TCF7L2: variants seen among roughly 807,000 people sequenced by gnomAD.
TCF7L2 encodes the protein transcription factor 7-like 2.
A neutral mutation model predicts 77.9 loss-of-function variants in TCF7L2; 23 were observed. That is an observed-to-expected ratio of 0.30 (90% confidence interval 0.21 to 0.42). TCF7L2 has a LOEUF of 0.42. TCF7L2 is among the 10% of genes least tolerant of loss of function. TCF7L2 has a pLI of 1.00. For missense variants in TCF7L2, 654 were observed against 793.1 expected (o/e 0.82, Z 2.11); for synonymous variants, 413 against 340.2 (o/e 1.21, Z -2.36).
At chr10:113,150,519 T>C (rs1320203393) in intron 8 of TCF7L2, among the ~76,000 whole-genome samples, 1 of 152,232 alleles carries the variant, frequency 6.6e-6, no homozygotes, top group Non-Finnish European at 1.5e-5. Flanking sequence ...TGAGGCCTAA[T>C]GAGGCTTGCA....
chr10:113,045,874 T>A (rs2053355813), intron 5 of TCF7L2, among the ~76,000 whole-genome samples: 1 of 152,216 alleles, frequency 6.6e-6, no homozygotes, highest in African/African-American at 2.4e-5. Context: ...CATTTCGCAG[T>A]CAGGGCTGTG....
intron 4 of TCF7L2, among the ~76,000 whole-genome samples, chr10:113,013,445 G>A (rs990964160): frequency 2.6e-5 from 4 of 152,228 alleles, no homozygotes; most frequent in African/African-American, 7.2e-5. Context: ...TAAAGAAAGG[G>A]GTAAATTTTA....
intron 5 of TCF7L2, among the ~76,000 whole-genome samples, chr10:113,073,140 G>C (rs1015127251): frequency 2.6e-5 from 4 of 151,054 alleles, no homozygotes; most frequent in African/African-American, 9.7e-5. Flanking sequence ...GAGAGAGAGA[G>C]AGAGAGAGAG....
intron 4 of TCF7L2, among the ~76,000 whole-genome samples, chr10:113,028,323 T>C (rs1590699448): frequency 6.6e-6 from 1 of 151,416 alleles, no homozygotes; most frequent in Non-Finnish European, 1.5e-5. Context: ...TGCAGGGGGG[T>C]CGTGGGGCCT....
At chr10:113,153,773 C>T (rs2071262311) in intron 11 of TCF7L2, among the ~76,000 whole-genome samples, 1 of 152,238 alleles carries the variant, frequency 6.6e-6, no homozygotes, top group South Asian at 2.1e-4. Flanking sequence ...TATCTTTACT[C>T]CCTCAGAACT....
chr10:112,982,987 C>G (rs1180751273), intron 4 of TCF7L2, among the ~76,000 whole-genome samples: 2 of 152,054 alleles, frequency 1.3e-5, no homozygotes, highest in African/African-American at 4.8e-5. Flanking sequence ...ATTTGTCTCC[C>G]CATGGAGGGA....
At chr10:113,014,364 G>A (rs2046977573) in intron 4 of TCF7L2, among the ~76,000 whole-genome samples, 1 of 152,188 alleles carries the variant, frequency 6.6e-6, no homozygotes, top group Non-Finnish European at 1.5e-5. Context: ...ACAGTTTGGT[G>A]GTAGTTTTGC....
chr10:113,021,763 G>A (rs148017543), intron 4 of TCF7L2, among the ~76,000 whole-genome samples: 56 of 152,254 alleles, frequency 3.7e-4, no homozygotes, highest in African/African-American at 1.3e-3. Flanking sequence ...GGGCATTTTC[G>A]CATCTCCCTT....
chr10:113,133,519 A>T (rs766963077), intron 5 of TCF7L2, among the ~76,000 whole-genome samples: 2 of 152,150 alleles, frequency 1.3e-5, no homozygotes, highest in South Asian at 4.1e-4. Flanking sequence ...CTGGGTGGTT[A>T]TAGTATAGAA....
At chr10:112,984,526 T>G (rs181012477) in intron 4 of TCF7L2, among the ~76,000 whole-genome samples, 63 of 152,288 alleles carry the variant, frequency 4.1e-4, no homozygotes, top group African/African-American at 1.5e-3. Flanking sequence ...TTAATTTACT[T>G]AATTGCATAG....
chr10:113,135,448 T>C (rs534309587), intron 5 of TCF7L2, among the ~76,000 whole-genome samples: 7 of 152,236 alleles, frequency 4.6e-5, no homozygotes, highest in Non-Finnish European at 4.4e-5. Flanking sequence ...GAGGAAAGCT[T>C]GGCTTTGCCA....
At chr10:113,108,377 T>C (rs2136043697) in intron 5 of TCF7L2, among the ~76,000 whole-genome samples, 1 of 151,948 alleles carries the variant, frequency 6.6e-6, no homozygotes, top group Admixed American at 6.5e-5. Context: ...TTGTGTCCGG[T>C]GCTCTCCTAA....
chr10:113,044,080 G>C (rs892012038), intron 5 of TCF7L2, among the ~76,000 whole-genome samples: 5 of 152,186 alleles, frequency 3.3e-5, no homozygotes, highest in African/African-American at 1.2e-4. Flanking sequence ...TTACCTTGGG[G>C]TGGATTTTTT....
At chr10:113,011,360 A>G (rs557519534) in intron 4 of TCF7L2, among the ~76,000 whole-genome samples, 1 of 152,282 alleles carries the variant, frequency 6.6e-6, no homozygotes, top group Non-Finnish European at 1.5e-5. Flanking sequence ...TTTCCAAGCT[A>G]GAATGGTTGT....
chr10:113,123,802 T>C (rs935309886), intron 5 of TCF7L2, among the ~76,000 whole-genome samples: 1 of 152,212 alleles, frequency 6.6e-6, no homozygotes, highest in Non-Finnish European at 1.5e-5. Flanking sequence ...TACCTTGACG[T>C]GCGTGTGAAC....
intron 5 of TCF7L2, among the ~76,000 whole-genome samples, chr10:113,076,113 G>A (rs1039033774): frequency 7.6e-6 from 1 of 130,896 alleles, no homozygotes; most frequent in African/African-American, 2.9e-5. Context: ...TCCAGCGTAG[G>A]CAACAGAGCA....
intron 3 of TCF7L2, 102 bp downstream of exon 3, chr10:112,951,709 TC>T: frequency 2.7e-6 from 1 of 364,340 alleles, no homozygotes. Flanking sequence ...CGCCTCCCCC[TC>T]CCCGCCTCCT....
At chr10:113,118,893 GC>G (rs1466579373) in intron 5 of TCF7L2, among the ~76,000 whole-genome samples, 3 of 152,010 alleles carry the variant, frequency 2.0e-5, no homozygotes, top group African/African-American at 7.2e-5. Context: ...AATTTTCTTT[GC>G]TATTTGGAGG....
At chr10:113,102,111 C>CAAAAAAAAAA (rs139047649) in intron 5 of TCF7L2, among the ~76,000 whole-genome samples, 1 of 71,736 alleles carries the variant, frequency 1.4e-5, no homozygotes, top group African/African-American at 5.9e-5. Flanking sequence ...GTGACTCCAT[C>CAAAAAAAAAA]AAAAAAAAAA....
Sources: allele counts gnomAD v4.1 joint callset (sites outside exome capture counted in the v4.1 genomes callset), GRCh38; gene constraint gnomAD v4.1.1; transcripts MANE v1.5; gene names NCBI Gene and HGNC (gene_info 2026-07-23, HGNC 2026-07-21).